WLS: variants seen among roughly 807,000 people sequenced by gnomAD.
WLS encodes Wnt ligand secretion mediator, also known as protein wntless homolog.
In WLS, 23 loss-of-function variants were observed where a neutral mutation model predicts 62.8. That is an observed-to-expected ratio of 0.37 (90% CI 0.26 to 0.52). WLS has a LOEUF of 0.52. WLS is among the 20% of genes least tolerant of loss of function. The pLI is 0.92. For missense variants in WLS, 615 were observed against 697.3 expected (o/e 0.88, Z 1.33); for synonymous variants, 246 against 244.1 (o/e 1.01, Z -0.07).
chr1:68,193,450 A>G (rs921360621), intron 2 of WLS, among the ~76,000 whole-genome samples: 17 of 132,618 alleles, frequency 1.3e-4, no homozygotes, highest in Non-Finnish European at 2.0e-4. Flanking sequence ...AAACGAAAAA[A>G]AAACCTGGTT....
chr1:68,126,385 A>C, intron 11 of WLS, 50 bp from the exon 12 acceptor site: 3 of 1,609,100 alleles, frequency 1.9e-6, no homozygotes, highest in Non-Finnish European at 2.5e-6. Context: ...AAGGAGAAGC[A>C]AGCTGGGGTT....
chr1:68,121,192 A>G (rs1367202523), downstream of WLS: 1 of 152,192 alleles, frequency 6.6e-6, no homozygotes, highest in East Asian at 1.9e-4. Context: ...CAGTCCTGCC[A>G]TCTGAACATC....
chr1:68,213,881 C>T (rs961037219), intron 1 of WLS, among the ~76,000 whole-genome samples: 46 of 152,164 alleles, frequency 3.0e-4, no homozygotes, highest in African/African-American at 1.0e-3. Context: ...ATTGCTTCCT[C>T]GGCCTCACAG....
intron 11 of WLS, among the ~76,000 whole-genome samples, chr1:68,135,384 A>C (rs1646593667): frequency 7.1e-6 from 1 of 140,218 alleles, no homozygotes; most frequent in Non-Finnish European, 1.5e-5. Flanking sequence ...TTCTGGGCTC[A>C]AGCAATCCTC....
Position 68,105,853 on chromosome 1 carries a change from A to T in WLS, c.1511-7100T>A, listed in dbSNP as rs115705112. 7.8e-3 allele frequency among the ~76,000 whole-genome samples: 1,181 copies of T among 152,272 alleles called. 13 individuals carry two copies. Among genetic ancestry groups the T allele is most frequent in the African/African-American group, 0.027 (1,141 of 41,542 alleles). On this transcript the variant is annotated intron_variant, in intron 11 of 11. Coordinates refer to the WLS transcript ENST00000354777. ...CGTACACCTAACACCAGATGAGTGG[A>T]CAGAGACATGTCAGGAGAAAAGAGG...
chr1:68,183,041 C>T (rs1159390974), intron 2 of WLS, among the ~76,000 whole-genome samples: 1 of 152,106 alleles, frequency 6.6e-6, no homozygotes, highest in African/African-American at 2.4e-5. Flanking sequence ...GCTGGGATTA[C>T]AGGCACACGC....
intron 11 of WLS, among the ~76,000 whole-genome samples, chr1:68,132,893 G>C (rs1470928200): frequency 6.6e-6 from 1 of 152,162 alleles, no homozygotes; most frequent in Non-Finnish European, 1.5e-5. Flanking sequence ...TGTGTGCAGG[G>C]CTTTGCTGCT....
At chr1:68,227,223 G>A (rs185565404) in intron 1 of WLS, among the ~76,000 whole-genome samples, 272 of 152,122 alleles carry the variant, frequency 1.8e-3, no homozygotes, top group Admixed American at 0.016. Flanking sequence ...GTGAAACCCC[G>A]CCTGGCCAAC....
At position 68,199,844 on chromosome 1, in the gene WLS, G is replaced by A. The variant is rs765137957; in HGVS notation, c.107-5617C>T. ...GACCAGAGATCTGCTGGAAGGAGGCGGAGTGAGAGGGTAGTCAGGTGGGAA... is the reference window on the plus strand; with the variant it reads ...GACCAGAGATCTGCTGGAAGGAGGCAGAGTGAGAGGGTAGTCAGGTGGGAA... On this transcript the variant is annotated intron_variant, in intron 1 of 11. Coordinates refer to ENST00000262348, the MANE Select transcript of WLS (RefSeq NM_024911.7). 1.8e-3 allele frequency among the ~76,000 whole-genome samples: 280 copies of A among 152,260 alleles called. 6 individuals are homozygous for A. The highest frequency in any genetic ancestry group is 8.8e-4 in the Non-Finnish European group (60 of 68,008).
rs1290466762 is a variant in WLS, at chr1:68,137,881, G to A, written c.1415C>T (p.Ala472Val). 2 of 1,613,978 alleles carry A rather than the reference G, an allele frequency of 1.2e-6. No individual in the cohort carries two copies. The highest frequency in any genetic ancestry group is 4.5e-5 in the East Asian group (2 of 44,872). ...CATCCCATAGATGCCTGTGAAAAAG[G>A]CACTGTTCACTTGGACTGTGACGCC... ...WGGVTVQVNS[A>V]FFTGIYGMWN... The change falls in exon 11 of 12, where the codon GCC becomes GTC. Residue 472 changes from alanine (A) to valine (V), a missense_variant. Transcript: ENST00000262348.
intron 6 of WLS, among the ~76,000 whole-genome samples, chr1:68,149,026 GTGAC>G (rs1646790616): frequency 6.6e-6 from 1 of 152,146 alleles, no homozygotes; most frequent in Admixed American, 6.5e-5. Flanking sequence ...GTTTATAAAA[GTGAC>G]TGATCCTCAG....
chr1:68,139,258 A>G (rs1022231768), intron 10 of WLS, among the ~76,000 whole-genome samples: 1 of 152,218 alleles, frequency 6.6e-6, no homozygotes, highest in Admixed American at 6.5e-5. Context: ...TTTCATAACC[A>G]TTACTAATTT....
chr1:68,126,257 T>C lies in WLS; in HGVS notation c.1595A>G (p.Tyr532Cys). Reference sequence around the variant, plus strand: ...CTGGGCCTCCTTGCGGGTCAACTTGTAGATCTCAGTGGGTCCGTCCACATG... The same window carrying C: ...CTGGGCCTCCTTGCGGGTCAACTTGCAGATCTCAGTGGGTCCGTCCACATG... ...ITHVDGPTEI[Y>C]KLTRKEAQE Residue 532 changes from tyrosine (Y) to cysteine (C), a missense_variant, in exon 12 of 12, where the codon TAC (tyrosine) becomes TGC (cysteine). Physicochemically the swap from Tyr to Cys is radical, Grantham distance 194. Transcript: ENST00000262348. The C allele has an allele frequency of 6.2e-7, 1 of 1,614,164 alleles. No individual in the cohort carries two copies. Among genetic ancestry groups the C allele is most frequent in the Non-Finnish European group, 8.5e-7 (1 of 1,180,032 alleles).
intron 11 of WLS, among the ~76,000 whole-genome samples, chr1:68,118,934 T>G (rs1646331409): frequency 7.0e-6 from 1 of 142,040 alleles, no homozygotes; most frequent in Non-Finnish European, 1.5e-5. Flanking sequence ...GTTCAACATA[T>G]GCTTATTGAA....
intron 2 of WLS, chr1:68,163,212 T>G: frequency 1.6e-6 from 1 of 630,946 alleles, no homozygotes; most frequent in Non-Finnish European, 2.8e-6. Flanking sequence ...CTGTACACAC[T>G]ATAAATCTGT....
chr1:68,227,537 TG>T (rs1449512603), intron 1 of WLS, among the ~76,000 whole-genome samples: 3 of 152,088 alleles, frequency 2.0e-5, no homozygotes, highest in Non-Finnish European at 4.4e-5. Flanking sequence ...AAAGAGTAAT[TG>T]AAAACTCTTT....
chr1:68,230,970 G>T (rs537792104), intron 1 of WLS, among the ~76,000 whole-genome samples: 51 of 152,238 alleles, frequency 3.4e-4, no homozygotes, highest in South Asian at 1.9e-3. Flanking sequence ...ACCCCACATC[G>T]CGTGGGCGCC....
chr1:68,105,086 T>C (rs935494621), intron 11 of WLS, among the ~76,000 whole-genome samples: 1 of 152,220 alleles, frequency 6.6e-6, no homozygotes, highest in African/African-American at 2.4e-5. Context: ...GCATGTTTAA[T>C]AAGGTTAGAT....
In WLS at chr1:68,153,661, G is replaced by A; in HGVS notation, c.667-8C>T. 5.0e-6 allele frequency: 8 copies of A among 1,613,946 alleles called. No homozygotes were observed. Among genetic ancestry groups the A allele is most frequent in the Non-Finnish European group, 6.8e-6 (8 of 1,179,964 alleles). Reference sequence around the variant, plus strand: ...TCCATTTTGGTGGATCCCCTAGGCAGAGACCAGTGATAATTTTGAAGGTGA... The same window carrying A: ...TCCATTTTGGTGGATCCCCTAGGCAAAGACCAGTGATAATTTTGAAGGTGA... On this transcript the variant is annotated splice_region_variant and splice_polypyrimidine_tract_variant and intron_variant, in intron 4 of 11. Transcript: ENST00000262348.
Sources: gnomAD v4.1 joint callset for allele counts (sites outside exome capture counted in the v4.1 genomes callset) on GRCh38, gnomAD v4.1.1 for gene constraint, MANE v1.5 for transcripts, NCBI Gene and HGNC (gene_info 2026-07-23, HGNC 2026-07-21) for gene names.